Variants in RABGAP1 observed in about 807,000 individuals in gnomAD.
The protein encoded by RABGAP1 is rab GTPase-activating protein 1.
A neutral mutation model predicts 137.6 loss-of-function variants in RABGAP1; 23 were observed. That is an observed-to-expected ratio of 0.17 (90% confidence interval 0.12 to 0.24). The LOEUF (loss-of-function observed/expected upper bound fraction) is 0.24, where lower values mean the gene tolerates loss of function less well. Among genes scored for constraint, RABGAP1 ranks in the 10% least tolerant of loss-of-function variants. The pLI is 1.00. For missense variants in RABGAP1, 906 were observed against 1,275.8 expected, an observed-to-expected ratio of 0.71 and a Z score of 4.42; for synonymous variants, 451 against 450.7, an observed-to-expected ratio of 1.00 and a Z score of -0.01.
chr9:123,030,023 T>C (rs577759279), intron 13 of RABGAP1, among the ~76,000 whole-genome samples: 1 of 152,342 alleles, frequency 6.6e-6, no homozygotes, highest in Non-Finnish European at 1.5e-5. Flanking sequence ...AGCCTGTCAT[T>C]TTGTTATTTT....
At chr9:122,971,641 C>T (rs1835477506) in intron 2 of RABGAP1, 1 of 152,078 alleles carries the variant, frequency 6.6e-6, no homozygotes, top group Admixed American at 6.6e-5. Context: ...CCAACTAAAA[C>T]TGGAATTCTG....
chr9:122,969,544 A>G lies in RABGAP1; in HGVS notation c.150+12335A>G, dbSNP rs183127075. Among the ~76,000 whole-genome samples the G allele has an allele frequency of 1.3e-3, 200 of 152,278 alleles. 1 individual carries two copies. Among genetic ancestry groups the G allele is most frequent in the Non-Finnish European group, 7.2e-4 (49 of 68,018 alleles). ...AATCTTTAAGGTCTGTCATCAGAGG[A>G]AGGTATAATAGTGTTACTGGAGATA... On this transcript the variant is annotated intron_variant, in intron 2 of 25. Transcript: ENST00000373647.
intron 24 of RABGAP1, 70 bp downstream of exon 24, chr9:123,099,619 G>T: frequency 7.5e-7 from 1 of 1,340,542 alleles, no homozygotes; most frequent in Non-Finnish European, 1.1e-6. Context: ...AACAGGTTTT[G>T]GGAGGAGGCA....
At chr9:123,026,172 G>C (rs566184593) in intron 13 of RABGAP1, among the ~76,000 whole-genome samples, 4 of 152,028 alleles carry the variant, frequency 2.6e-5, no homozygotes, top group Non-Finnish European at 5.9e-5. Flanking sequence ...AAAAATACAA[G>C]AATTAGCCGG....
intron 1 of RABGAP1, among the ~76,000 whole-genome samples, chr9:122,942,470 G>T (rs1310557864): frequency 6.6e-6 from 1 of 152,016 alleles, no homozygotes; most frequent in African/African-American, 2.4e-5. Context: ...AGGAGTTCGA[G>T]ACCAGCCTGT....
At chr9:123,060,001 C>G (rs1378787738) in intron 13 of RABGAP1, among the ~76,000 whole-genome samples, 1 of 152,184 alleles carries the variant, frequency 6.6e-6, no homozygotes, top group African/African-American at 2.4e-5. Context: ...CCAGACTCTG[C>G]AGAAAGATCT....
intron 12 of RABGAP1, among the ~76,000 whole-genome samples, chr9:123,019,344 T>C (rs1588279619): frequency 6.6e-6 from 1 of 152,198 alleles, no homozygotes; most frequent in Non-Finnish European, 1.5e-5. Context: ...TTTTTTTTTC[T>C]AGACAAAGTC....
intron 2 of RABGAP1, among the ~76,000 whole-genome samples, chr9:122,982,802 G>A (rs1361896696): frequency 6.6e-6 from 1 of 152,132 alleles, no homozygotes; most frequent in African/African-American, 2.4e-5. Context: ...TGGGGAGGCT[G>A]ATGAGGGAGG....
intron 11 of RABGAP1, 35 bp downstream of exon 11, chr9:123,010,563 G>A: frequency 6.4e-7 from 1 of 1,568,966 alleles, no homozygotes; most frequent in South Asian, 1.1e-5. Context: ...TATTTTTGGG[G>A]GTGGAAGACC....
chr9:123,027,963 A>G (rs958608324), intron 13 of RABGAP1, among the ~76,000 whole-genome samples: 7 of 152,204 alleles, frequency 4.6e-5, no homozygotes, highest in Admixed American at 2.0e-4. Context: ...TTTAAGCCCT[A>G]TATCTTATCC....
chr9:123,019,385 G>C (rs563340469), intron 12 of RABGAP1, among the ~76,000 whole-genome samples: 1 of 152,046 alleles, frequency 6.6e-6, no homozygotes, highest in East Asian at 1.9e-4. Context: ...GAGTGCAGTG[G>C]TGCGGTCTCT....
intron 10 of RABGAP1, among the ~76,000 whole-genome samples, chr9:123,003,237 C>T (rs967704650): frequency 6.6e-6 from 1 of 152,116 alleles, no homozygotes; most frequent in Non-Finnish European, 1.5e-5. Flanking sequence ...GTAGTTTTCA[C>T]AGTGATTCAA....
In RABGAP1 at chr9:123,097,743, T is replaced by C. The variant is rs773003274; in HGVS notation, c.2631T>C (p.Ala877=). The change falls in exon 22 of 26, where the codon GCT becomes GCC. Residue 877 remains alanine, a splice_region_variant and synonymous_variant. Transcript: ENST00000373647. ...ACAGCATATCTTAAATGTTTCAGGC[T>C]GAGGAAAAGGCAGATGCTCTGAATA... ...KIALRKDLDN[A]EEKADALNKE... is the part of the protein sequence containing the mutation. 6.2e-7 allele frequency: 1 copy of C among 1,607,178 alleles called. No individual in the cohort carries two copies. Among genetic ancestry groups the C allele is most frequent in the Non-Finnish European group, 8.5e-7 (1 of 1,178,268 alleles).
intron 13 of RABGAP1, among the ~76,000 whole-genome samples, chr9:123,036,440 GC>G (rs1430040962): frequency 6.6e-6 from 1 of 152,172 alleles, no homozygotes; most frequent in Non-Finnish European, 1.5e-5. Context: ...ATGTGCTTAA[GC>G]TAAAAAGTAA....
chr9:122,949,381 C>T (rs187901765), intron 1 of RABGAP1, among the ~76,000 whole-genome samples: 7 of 152,016 alleles, frequency 4.6e-5, no homozygotes, highest in Admixed American at 1.3e-4. Context: ...GGCGTGGTGG[C>T]GGGCACCTGT....
intron 9 of RABGAP1, 52 bp downstream of exon 9, chr9:122,997,413 TG>T (rs1324898003): frequency 2.9e-6 from 4 of 1,357,022 alleles, no homozygotes; most frequent in Non-Finnish European, 4.0e-6. Flanking sequence ...CAAGAAGAGA[TG>T]CAAAACTAAG....
upstream of RABGAP1, chr9:122,938,856 C>G (rs772553405): frequency 6.6e-6 from 1 of 152,146 alleles, no homozygotes; most frequent in Non-Finnish European, 1.5e-5. Context: ...CAGGAACAAG[C>G]TCAATGACTT....
rs1323830637 is a variant in RABGAP1 at position 123,060,858 on chromosome 9, T to C, written c.1795-4490T>C. 2.6e-5 allele frequency among the ~76,000 whole-genome samples: 4 copies of C among 152,218 alleles called. 1 individual carries two copies. Among genetic ancestry groups the C allele is most frequent in the South Asian group, 4.1e-4 (2 of 4,830 alleles). On this transcript the variant is annotated intron_variant, in intron 13 of 25. Transcript: ENST00000373647. ...CAGCAAACATTTTTAACATTTGTTA[T>C]TATGTGAAAAAAGTACAAAAGTGTT...
intron 10 of RABGAP1, among the ~76,000 whole-genome samples, chr9:123,007,872 AAATAT>A (rs1379874415): frequency 2.1e-4 from 31 of 149,170 alleles, no homozygotes; most frequent in South Asian, 6.3e-4. Context: ...TATATTTCAT[AAATAT>A]AATATATCTA....
Sources: gnomAD v4.1 joint callset for allele counts (sites outside exome capture counted in the v4.1 genomes callset) on GRCh38, gnomAD v4.1.1 for gene constraint, MANE v1.5 for transcripts, NCBI Gene and HGNC (gene_info 2026-07-23, HGNC 2026-07-21) for gene names.